Variants in ARIH2 observed in about 807,000 individuals in gnomAD.
ARIH2 encodes the protein E3 ubiquitin-protein ligase ARIH2.
ARIH2 carries 12 observed loss-of-function variants against 79.8 expected under a neutral mutation model. The ratio of observed to expected loss-of-function variants is 0.15; its 90% CI spans 0.10 to 0.24. The LOEUF is 0.24. ARIH2 is among the 10% of genes least tolerant of loss of function. ARIH2 has a pLI of 1.00. For missense variants in ARIH2, 301 were observed against 618.3 expected, an observed-to-expected ratio of 0.49 and a Z score of 5.44; for synonymous variants, 224 against 213.9, an observed-to-expected ratio of 1.05 and a Z score of -0.41.
chr3:48,983,525 G>A lies in ARIH2; in HGVS notation c.*255G>A, dbSNP rs2092821624. 3.8e-6 allele frequency: 2 copies of A among 519,832 alleles called. No individual in the cohort carries two copies. Among genetic ancestry groups the A allele is most frequent in the East Asian group, 6.5e-5 (2 of 30,986 alleles). 32.2% of individuals were successfully genotyped at this position (519,832 alleles called of 1,614,324 possible). On this transcript the variant is annotated 3_prime_UTR_variant, in exon 16 of 16. Coordinates refer to ENST00000356401, the MANE Select transcript of ARIH2 (RefSeq NM_006321.4). The stretch of plus-strand genomic sequence containing the variant: ...TTCCCCCTGGATGGTTGTTGGGAGG[G>A]AGGGAAAGTGTTTTCTGAATGGCTA...
chr3:48,967,116 T>G lies in ARIH2; in HGVS notation c.388-9T>G, dbSNP rs1032237292. On this transcript the variant is annotated splice_polypyrimidine_tract_variant and intron_variant, in intron 5 of 15. Coordinates refer to ENST00000356401, the MANE Select transcript of ARIH2 (RefSeq NM_006321.4). The stretch of plus-strand genomic sequence containing the variant: ...CCTCTTTGGCTCATGTGGCTCTGTT[T>G]CTCTCCAGGTTCCCACATCCCATCC... 3 of 1,613,064 alleles carry G rather than the reference T, an allele frequency of 1.9e-6. No individual in the cohort carries two copies. The African/African-American group carries it at 4.0e-5, about 22-fold the overall frequency.
At chr3:48,961,379 T>A (rs542126811) in intron 3 of ARIH2, among the ~76,000 whole-genome samples, 2 of 152,318 alleles carry the variant, frequency 1.3e-5, no homozygotes, top group African/African-American at 4.8e-5. Context: ...ATAAAATTAA[T>A]TTTCTTGAAA....
intron 3 of ARIH2, among the ~76,000 whole-genome samples, chr3:48,959,770 G>T (rs374929103): frequency 2.0e-5 from 3 of 151,518 alleles, no homozygotes; most frequent in African/African-American, 7.3e-5. Context: ...AAGCTGTCTT[G>T]AGTCCTTGAT....
At chr3:48,920,299 G>T (rs945156397) in intron 1 of ARIH2, among the ~76,000 whole-genome samples, 1 of 151,402 alleles carries the variant, frequency 6.6e-6, no homozygotes, top group African/African-American at 2.4e-5. Context: ...AATTTTTTTT[G>T]AAAAAGTGCC....
In ARIH2 at chr3:48,985,423, T is replaced by C. The variant is rs1247297289; in HGVS notation, c.*2153T>C. The C allele has an allele frequency of 1.3e-5, 2 of 152,222 alleles. No individual in the cohort carries two copies. The highest frequency in any genetic ancestry group is 4.8e-5 in the African/African-American group (2 of 41,448). The allele number at this position is 152,222 out of a possible 1,614,324, so 9.4% of individuals were successfully genotyped here. On this transcript the variant is annotated 3_prime_UTR_variant, in exon 16 of 16. Coordinates refer to ENST00000356401, the MANE Select transcript of ARIH2 (RefSeq NM_006321.4). ...GGTGGAAGAGAAAGGACACAGTATT[T>C]TCATGAATTTACCATATATCTTTGT...
chr3:48,980,749 C>G (rs2092715343), intron 13 of ARIH2, among the ~76,000 whole-genome samples: 1 of 151,964 alleles, frequency 6.6e-6, no homozygotes, highest in Non-Finnish European at 1.5e-5. Context: ...CTTTTCTTCT[C>G]CTTTTGTCCT....
intron 6 of ARIH2, among the ~76,000 whole-genome samples, chr3:48,967,811 A>G (rs566093453): frequency 5.3e-5 from 8 of 152,308 alleles, no homozygotes; most frequent in African/African-American, 1.7e-4. Context: ...GATTTTTTAA[A>G]TGGTTTTGTT....
intron 3 of ARIH2, among the ~76,000 whole-genome samples, chr3:48,955,866 T>A (rs1016761762): frequency 6.6e-6 from 1 of 152,186 alleles, no homozygotes; most frequent in Non-Finnish European, 1.5e-5. Flanking sequence ...GAAGGTAGCC[T>A]CCTTGCTGAG....
intron 3 of ARIH2, among the ~76,000 whole-genome samples, chr3:48,940,755 A>G (rs1320356886): frequency 7.0e-6 from 1 of 143,348 alleles, no homozygotes; most frequent in Non-Finnish European, 1.5e-5. Flanking sequence ...AGATTGCACC[A>G]CTGCACTTCA....
chr3:48,933,710 C>T (rs567712937), intron 3 of ARIH2, among the ~76,000 whole-genome samples: 92 of 151,666 alleles, frequency 6.1e-4, no homozygotes, highest in Admixed American at 2.0e-3. Context: ...CCACCACACC[C>T]GGCTAAATTT....
chr3:48,947,216 G>A (rs1415039207), intron 3 of ARIH2, among the ~76,000 whole-genome samples: 2 of 152,148 alleles, frequency 1.3e-5, no homozygotes, highest in African/African-American at 4.8e-5. Flanking sequence ...CGAGGCGGGG[G>A]GATCACCTGA....
intron 3 of ARIH2, among the ~76,000 whole-genome samples, chr3:48,959,791 A>G (rs1016159533): frequency 1.3e-5 from 2 of 152,154 alleles, no homozygotes; most frequent in African/African-American, 4.8e-5. Context: ...TTTTCTCCAG[A>G]TGTACCTGGA....
intron 1 of ARIH2, among the ~76,000 whole-genome samples, chr3:48,920,212 C>T (rs1433039446): frequency 6.6e-6 from 1 of 151,908 alleles, no homozygotes; most frequent in Non-Finnish European, 1.5e-5. Flanking sequence ...AACTGCTGGG[C>T]TCAAGCTATC....
chr3:48,980,739 C>G (rs1028927781), intron 13 of ARIH2, among the ~76,000 whole-genome samples: 1 of 151,960 alleles, frequency 6.6e-6, no homozygotes, highest in African/African-American at 2.4e-5. Flanking sequence ...AACTAGAGCA[C>G]TTTTCTTCTC....
Position 48,980,461 on chromosome 3 carries a change from C to T in ARIH2, c.1222C>T (p.Gln408Ter), listed in dbSNP as rs2092706691. ...MNNLGTWIDW[Q>*]YLQNAAKLLA... ...CAATCTGGGGACATGGATCGACTGG[C>T]AGTACCTACAGAATGCTGCCAAGCT... The change falls in exon 13 of 16, where the codon CAG becomes TAG. Residue 408 changes from glutamine to a stop codon, truncating the protein, a stop_gained. Transcript: ENST00000356401. LOFTEE classifies it high-confidence loss of function. 1 of 1,614,004 alleles carries T rather than the reference C, an allele frequency of 6.2e-7. No homozygotes were observed.
chr3:48,980,314 G>C (rs2092703378), intron 12 of ARIH2, 39 bp from the exon 13 acceptor site: 1 of 1,604,896 alleles, frequency 6.2e-7, no homozygotes, highest in Admixed American at 1.7e-5. Flanking sequence ...GCACCTTCAT[G>C]GGACTCCTGT....
intron 2 of ARIH2, chr3:48,926,913 C>T (rs1449600151): frequency 1.3e-5 from 2 of 152,014 alleles, no homozygotes; most frequent in Non-Finnish European, 1.5e-5. Context: ...TGTTGAACAC[C>T]TATGTGTGTT....
At chr3:48,942,640 G>T (rs949793619) in intron 3 of ARIH2, among the ~76,000 whole-genome samples, 1 of 148,602 alleles carries the variant, frequency 6.7e-6, no homozygotes, top group Non-Finnish European at 1.5e-5. Context: ...CACCATGCCC[G>T]GCTAATTTTT....
chr3:48,974,437 G>C (rs556603393), intron 9 of ARIH2, among the ~76,000 whole-genome samples: 11 of 152,160 alleles, frequency 7.2e-5, no homozygotes, highest in African/African-American at 9.7e-5. Context: ...CCCTCTTCTC[G>C]AAGCAGAAGT....
Sources: gnomAD v4.1 joint callset for allele counts (sites outside exome capture counted in the v4.1 genomes callset) on GRCh38, gnomAD v4.1.1 for gene constraint, MANE v1.5 for transcripts, NCBI Gene and HGNC (gene_info 2026-07-23, HGNC 2026-07-21) for gene names.